The following RAB3GAP2 variants were observed in gnomAD, a reference collection of about 807,000 sequenced individuals.
RAB3GAP2 encodes rab3 GTPase-activating protein non-catalytic subunit.
Under a neutral mutation model 185.3 loss-of-function variants are expected in RAB3GAP2, and 87 were observed. The ratio of observed to expected loss-of-function variants is 0.47; its 90% CI spans 0.39 to 0.56. The LOEUF (loss-of-function observed/expected upper bound fraction) is 0.56. Among genes scored for constraint, RAB3GAP2 ranks in the 20% least tolerant of loss-of-function variants. RAB3GAP2 has a pLI of 0.00. For synonymous variants in RAB3GAP2, 554 were observed against 576.1 expected, an observed-to-expected ratio of 0.96 and a Z score of 0.55; for missense variants, 1,492 against 1,638.2, an observed-to-expected ratio of 0.91 and a Z score of 1.54.
intron 2 of RAB3GAP2, among the ~76,000 whole-genome samples, chr1:220,222,874 G>A (rs545034823): frequency 2.9e-4 from 44 of 151,922 alleles, no homozygotes; most frequent in African/African-American, 8.7e-4. Context: ...TGTTAGGGAT[G>A]GGTTATTTTA....
chr1:220,154,641 A>C (rs1234535130), intron 31 of RAB3GAP2, among the ~76,000 whole-genome samples: 1 of 151,882 alleles, frequency 6.6e-6, no homozygotes, highest in South Asian at 2.1e-4. Flanking sequence ...GAGATAATAA[A>C]TATTTGTTAT....
chr1:220,245,475 C>T (rs545448573), intron 1 of RAB3GAP2, among the ~76,000 whole-genome samples: 8 of 152,320 alleles, frequency 5.3e-5, no homozygotes, highest in South Asian at 4.1e-4. Flanking sequence ...TAAAAAACGG[C>T]GCACCACGAG....
rs887506121 is a variant in RAB3GAP2, at chr1:220,248,957, C to A, written c.116-16094G>T. Reference sequence around the variant, plus strand: ...TGACTGTAATTTCCTGAGGCCTCCCCAGCCAGGCTCAACTGAGTCAGTTAA... The same window carrying A: ...TGACTGTAATTTCCTGAGGCCTCCCAAGCCAGGCTCAACTGAGTCAGTTAA... On this transcript the variant is annotated intron_variant, in intron 1 of 34. Coordinates refer to ENST00000358951, the MANE Select transcript of RAB3GAP2 (RefSeq NM_012414.4). Among the ~76,000 whole-genome samples, 6 of 152,192 alleles carry A rather than the reference C, an allele frequency of 3.9e-5. 1 individual carries two copies. The highest frequency in any genetic ancestry group is 2.6e-4 in the Admixed American group (4 of 15,272).
chr1:220,195,257 T>A lies in RAB3GAP2; in HGVS notation c.1040+41A>T, dbSNP rs368644198. On this transcript the variant is annotated intron_variant, in intron 11 of 34. Coordinates refer to ENST00000358951, the MANE Select transcript of RAB3GAP2 (RefSeq NM_012414.4). ...AAATATAAGTTAAAAGCAAGCTAGA[T>A]ACAAATGAGATATTTGTTATTTTAA... 173 of 1,589,004 alleles carry A rather than the reference T, an allele frequency of 1.1e-4. No individual in the cohort carries two copies. In the African/African-American group the frequency reaches 2.0e-3, roughly 18 times the overall value.
intron 1 of RAB3GAP2, chr1:220,267,029 GCAGGTAGTCCAGGGTGC>G: frequency 1.9e-6 from 3 of 1,611,476 alleles, no homozygotes. Flanking sequence ...ATTTCGGGGG[GCAGGTAGTCCAGGGTGC>G]CACAGAGAGT....
At chr1:220,151,787 A>G (rs1342914822) in intron 33 of RAB3GAP2, 23 bp from the exon 34 acceptor site, 17 of 1,581,726 alleles carry the variant, frequency 1.1e-5, no homozygotes, top group East Asian at 2.2e-5. Context: ...ACATGGAGAA[A>G]TAATACAGTC....
rs779639135 is a variant in RAB3GAP2, at chr1:220,182,306, T to C, written c.2261A>G (p.Asp754Gly). 1 of 1,613,944 alleles carries C rather than the reference T, an allele frequency of 6.2e-7. No individual in the cohort carries two copies. The highest frequency in any genetic ancestry group is 1.1e-5 in the South Asian group (1 of 91,082). Residue 754 changes from aspartate (D) to glycine (G), a missense_variant, in exon 21 of 35, where the codon GAT becomes GGT. Asp to Gly is a moderately conservative substitution (Grantham distance 94). Around this residue, in one of 5 missense-constraint regions of RAB3GAP2, gnomAD observed 681 missense variants for 689.1 expected, o/e 0.99. Coordinates refer to ENST00000358951, the MANE Select transcript of RAB3GAP2 (RefSeq NM_012414.4). The part of the protein sequence containing the change: ...KCLHGESSTE[D>G]MCHTLESAGL... ...AGCCGACTCCAAAGTGTGACACATATCCTCAGTGGAGCTTTCTCCATGCAA... is the reference window on the plus strand; with the variant it reads ...AGCCGACTCCAAAGTGTGACACATACCCTCAGTGGAGCTTTCTCCATGCAA...
chr1:220,212,145 T>C (rs981654472), intron 4 of RAB3GAP2, among the ~76,000 whole-genome samples: 1 of 152,326 alleles, frequency 6.6e-6, no homozygotes, highest in Admixed American at 6.5e-5. Context: ...AGCAGGAAAC[T>C]AATGTACCAA....
In RAB3GAP2 at chr1:220,172,069, CA is replaced by C; in HGVS notation, c.2417-21del. ...TGGCCACTATAGGGATAGGAGAAAA[CA>C]GAAAAATAAACTCTTACCCTGTCAA... On this transcript the variant is annotated intron_variant, in intron 22 of 34. Coordinates refer to ENST00000358951, the MANE Select transcript of RAB3GAP2 (RefSeq NM_012414.4). The C allele has an allele frequency of 6.2e-7, 1 of 1,613,328 alleles. No individual in the cohort carries two copies. Among genetic ancestry groups the C allele is most frequent in the Non-Finnish European group, 8.5e-7 (1 of 1,179,538 alleles).
chr1:220,222,563 A>G (rs1643216177), intron 2 of RAB3GAP2, among the ~76,000 whole-genome samples: 1 of 152,194 alleles, frequency 6.6e-6, no homozygotes, highest in South Asian at 2.1e-4. Context: ...AATCACAAAA[A>G]AACTATAACT....
chr1:220,269,157 T>A (rs1467387204), intron 1 of RAB3GAP2, among the ~76,000 whole-genome samples: 4 of 152,182 alleles, frequency 2.6e-5, no homozygotes, highest in African/African-American at 9.7e-5. Context: ...GAGTTGACAT[T>A]TGAGCTGAGA....
intron 1 of RAB3GAP2, chr1:220,266,104 T>C (rs1167214440): frequency 6.4e-6 from 1 of 155,868 alleles, no homozygotes. Context: ...TCTTTTGTAA[T>C]TAAATATACA....
intron 1 of RAB3GAP2, among the ~76,000 whole-genome samples, chr1:220,255,670 G>A (rs922001212): frequency 6.6e-6 from 1 of 152,158 alleles, no homozygotes. Context: ...CCAAGTGGAG[G>A]AAAGAATCTC....
At chr1:220,188,279 A>T (rs1658541985) in intron 17 of RAB3GAP2, among the ~76,000 whole-genome samples, 1 of 152,162 alleles carries the variant, frequency 6.6e-6, no homozygotes, top group Admixed American at 6.6e-5. Flanking sequence ...AGCTTAAAAG[A>T]CCTAAAGAAA....
chr1:220,265,659 C>T (rs563680950), intron 1 of RAB3GAP2, among the ~76,000 whole-genome samples: 1 of 152,218 alleles, frequency 6.6e-6, no homozygotes, highest in South Asian at 2.1e-4. Context: ...GGGAGAGTGG[C>T]TCATGCCTAT....
At chr1:220,243,539 T>G (rs1278684087) in intron 1 of RAB3GAP2, among the ~76,000 whole-genome samples, 3 of 152,174 alleles carry the variant, frequency 2.0e-5, no homozygotes, top group Non-Finnish European at 4.4e-5. Flanking sequence ...GTGGCAGAAC[T>G]GGGATTCGGA....
intron 18 of RAB3GAP2, among the ~76,000 whole-genome samples, chr1:220,184,490 C>T (rs564711405): frequency 6.6e-6 from 1 of 152,100 alleles, no homozygotes; most frequent in East Asian, 1.9e-4. Flanking sequence ...AATTCATATA[C>T]TGTATGAATA....
intron 8 of RAB3GAP2, 64 bp from the exon 9 acceptor site, chr1:220,202,438 C>T: frequency 6.7e-7 from 1 of 1,482,980 alleles, no homozygotes; most frequent in Non-Finnish European, 9.4e-7. Flanking sequence ...TACAAAAAAA[C>T]ATTAAAACCA....
At position 220,190,570 on chromosome 1, in the gene RAB3GAP2, T is replaced by C. The variant is rs775509237; in HGVS notation, c.1488-50A>G. On this transcript the variant is annotated intron_variant, in intron 14 of 34. Coordinates refer to ENST00000358951, the MANE Select transcript of RAB3GAP2 (RefSeq NM_012414.4). ...GTAAAAATATTAGAACAAGGAGAAATGCCAAAAGGTGCTTTTATTATAGCT... is the reference window on the plus strand; with the variant it reads ...GTAAAAATATTAGAACAAGGAGAAACGCCAAAAGGTGCTTTTATTATAGCT... The C allele has an allele frequency of 1.6e-5, 24 of 1,530,528 alleles. No homozygotes were observed. The East Asian group carries it at 3.8e-4, about 24-fold the overall frequency. The allele number at this position is 1,530,528 out of a possible 1,614,324, so 94.8% of individuals were successfully genotyped here. A position where few individuals can be genotyped will look rare whatever the true frequency, so the allele number is the denominator to read the frequency against.
Sources: allele counts gnomAD v4.1 joint callset (sites outside exome capture counted in the v4.1 genomes callset), GRCh38; gene constraint gnomAD v4.1.1; regional missense constraint gnomAD v4.1.1; transcripts MANE v1.5; gene names NCBI Gene and HGNC (gene_info 2026-07-23, HGNC 2026-07-21).